HS3ST3A1: variants seen among roughly 807,000 people sequenced by gnomAD.
HS3ST3A1 encodes heparan sulfate-glucosamine 3-sulfotransferase 3A1, also known as heparan sulfate glucosamine 3-O-sulfotransferase 3A1.
HS3ST3A1 carries 19 observed loss-of-function variants against 25.7 expected under a neutral mutation model. The observed-to-expected ratio is 0.74, with a 90% CI of 0.52 to 1.08. The LOEUF (loss-of-function observed/expected upper bound fraction) is 1.08. HS3ST3A1 is among the 50% of genes least tolerant of loss of function. The pLI, the probability that HS3ST3A1 is intolerant of heterozygous loss-of-function variation, is 0.00. For missense variants in HS3ST3A1, 459 were observed against 594.3 expected (o/e 0.77, Z 2.37); for synonymous variants, 226 against 278.6 (o/e 0.81, Z 1.88).
At chr17:13,586,848 C>CT (rs1204618518) in intron 1 of HS3ST3A1, among the ~76,000 whole-genome samples, 1 of 100,948 alleles carries the variant, frequency 9.9e-6, no homozygotes, top group Non-Finnish European at 1.8e-5. Flanking sequence ...CCAGCCTGGG[C>CT]GACAGAGAGA....
chr17:13,596,065 T>C (rs1164299342), intron 1 of HS3ST3A1, among the ~76,000 whole-genome samples: 3 of 152,178 alleles, frequency 2.0e-5, no homozygotes, highest in African/African-American at 7.2e-5. Context: ...GACAAATATT[T>C]TGGCCAGGGT....
At chr17:13,569,812 C>T (rs1215532222) in intron 1 of HS3ST3A1, among the ~76,000 whole-genome samples, 3 of 152,220 alleles carry the variant, frequency 2.0e-5, no homozygotes, top group Non-Finnish European at 1.5e-5. Context: ...CTCAGTGCTA[C>T]CTCTCCTTTG....
At chr17:13,599,216 T>C (rs1234223844) in intron 1 of HS3ST3A1, among the ~76,000 whole-genome samples, 1 of 152,210 alleles carries the variant, frequency 6.6e-6, no homozygotes, top group Non-Finnish European at 1.5e-5. Flanking sequence ...ATATCATCTA[T>C]ATTAAGGGAA....
At chr17:13,592,629 G>A (rs764901597) in intron 1 of HS3ST3A1, among the ~76,000 whole-genome samples, 5 of 152,206 alleles carry the variant, frequency 3.3e-5, no homozygotes, top group Non-Finnish European at 5.9e-5. Context: ...ATAAGTGAAT[G>A]AACGATTCAA....
intron 1 of HS3ST3A1, among the ~76,000 whole-genome samples, chr17:13,544,691 A>T (rs1907034278): frequency 6.6e-6 from 1 of 151,986 alleles, no homozygotes; most frequent in Admixed American, 6.6e-5. Flanking sequence ...TTGGAACAAG[A>T]GTAATTATTA....
At chr17:13,599,903 T>A (rs559633885) in intron 1 of HS3ST3A1, among the ~76,000 whole-genome samples, 1 of 152,350 alleles carries the variant, frequency 6.6e-6, no homozygotes, top group East Asian at 1.9e-4. Context: ...ACAAAACTCA[T>A]TCCTTGCCCT....
chr17:13,499,933 A>G (rs1340996291), intron 1 of HS3ST3A1, among the ~76,000 whole-genome samples: 1 of 152,204 alleles, frequency 6.6e-6, no homozygotes, highest in South Asian at 2.1e-4. Context: ...TAAAGAAACG[A>G]TAGTCTAAAT....
At chr17:13,593,241 A>AG (rs1355565972) in intron 1 of HS3ST3A1, among the ~76,000 whole-genome samples, 4 of 148,006 alleles carry the variant, frequency 2.7e-5, no homozygotes, top group Non-Finnish European at 5.9e-5. Flanking sequence ...GCCAAAAAAA[A>AG]AAAAAAAAAA....
At chr17:13,586,212 C>T (rs1457272279) in intron 1 of HS3ST3A1, among the ~76,000 whole-genome samples, 1 of 152,050 alleles carries the variant, frequency 6.6e-6, no homozygotes, top group Non-Finnish European at 1.5e-5. Context: ...TCCTCCTTTT[C>T]GCATGGCTAG....
chr17:13,507,606 T>C (rs751237059), intron 1 of HS3ST3A1, among the ~76,000 whole-genome samples: 2 of 152,220 alleles, frequency 1.3e-5, no homozygotes, highest in Non-Finnish European at 2.9e-5. Flanking sequence ...TCACACGTTT[T>C]TCAAAGGCTA....
chr17:13,515,072 A>G (rs1939181635), intron 1 of HS3ST3A1, among the ~76,000 whole-genome samples: 1 of 152,242 alleles, frequency 6.6e-6, no homozygotes, highest in Admixed American at 6.5e-5. Flanking sequence ...AATATTGTAT[A>G]ATTCTTCAAT....
chr17:13,594,049 G>T (rs1246739920), intron 1 of HS3ST3A1, among the ~76,000 whole-genome samples: 2 of 152,138 alleles, frequency 1.3e-5, no homozygotes, highest in Non-Finnish European at 2.9e-5. Flanking sequence ...CTTTTGAAGG[G>T]TACTGGTCAA....
At chr17:13,552,970 A>G (rs2142358062) in intron 1 of HS3ST3A1, among the ~76,000 whole-genome samples, 1 of 152,152 alleles carries the variant, frequency 6.6e-6, no homozygotes, top group South Asian at 2.1e-4. Flanking sequence ...CTGCCTAGAA[A>G]AGTTGCCTGT....
Position 13,496,069 on chromosome 17 carries a change from T to C in HS3ST3A1, c.*128A>G. 12 of 1,176,676 alleles carry C rather than the reference T, an allele frequency of 1.0e-5. No individual in the cohort carries two copies. Among genetic ancestry groups the C allele is most frequent in the Non-Finnish European group, 1.4e-5 (12 of 868,112 alleles). 72.9% of individuals were successfully genotyped at this position (1,176,676 alleles called of 1,614,324 possible). On this transcript the variant is annotated 3_prime_UTR_variant, in exon 2 of 2. Transcript: ENST00000284110. ...TAAGATGGGGCGGGAGTGAGAACAA[T>C]CTCTTAACATTCATTGAAAAAAATA...
chr17:13,598,111 G>C lies in HS3ST3A1; in HGVS notation c.599+2420C>G, dbSNP rs1908631314. Among the ~76,000 whole-genome samples, 4 of 149,466 alleles carry C rather than the reference G, an allele frequency of 2.7e-5. No individual in the cohort carries two copies. In the South Asian group the frequency reaches 8.4e-4, roughly 31 times the overall value. The stretch of plus-strand genomic sequence containing the variant: ...TTTATTTCTGTTCGTGTGTGTGTCT[G>C]TGATAGTGTGGTCATAAGTGTGTGG... On this transcript the variant is annotated intron_variant, in intron 1 of 1. Transcript: ENST00000284110.
rs538975263 is a variant in HS3ST3A1, at chr17:13,583,526, C to T, written c.599+17005G>A. On this transcript the variant is annotated intron_variant, in intron 1 of 1. Coordinates refer to ENST00000284110, the MANE Select transcript of HS3ST3A1 (RefSeq NM_006042.3). Reference sequence around the variant, plus strand: ...TCCAGTTTTCTGGGCTCCTCATACTCTCAATTTCTCTTCTCCCTCATCCCC... The same window carrying T: ...TCCAGTTTTCTGGGCTCCTCATACTTTCAATTTCTCTTCTCCCTCATCCCC... 1.5e-4 allele frequency among the ~76,000 whole-genome samples: 23 copies of T among 152,312 alleles called. No individual in the cohort carries two copies. The South Asian group carries it at 4.8e-3, about 32-fold the overall frequency.
Position 13,550,842 on chromosome 17 carries a change from G to A in HS3ST3A1, c.599+49689C>T, listed in dbSNP as rs759861289. Among the ~76,000 whole-genome samples, 60 of 152,152 alleles carry A rather than the reference G, an allele frequency of 3.9e-4. 1 individual carries two copies. The highest frequency in any genetic ancestry group is 7.2e-4 in the Admixed American group (11 of 15,272). On this transcript the variant is annotated intron_variant, in intron 1 of 1. Coordinates refer to ENST00000284110, the MANE Select transcript of HS3ST3A1 (RefSeq NM_006042.3). ...CCAGCACTTTGGGAGGCCAAGGCGG[G>A]CAGATCTCGATGTCCGAAGATCGAG...
chr17:13,536,113 A>T (rs1180033857), intron 1 of HS3ST3A1, among the ~76,000 whole-genome samples: 3 of 152,176 alleles, frequency 2.0e-5, no homozygotes, highest in Non-Finnish European at 2.9e-5. Flanking sequence ...TTAAAATAAG[A>T]AAAGTTATAC....
intron 1 of HS3ST3A1, among the ~76,000 whole-genome samples, chr17:13,510,692 T>A (rs1375724058): frequency 6.6e-6 from 1 of 150,598 alleles, no homozygotes; most frequent in Non-Finnish European, 1.5e-5. Flanking sequence ...CCTGTGTGAA[T>A]ATCTCAGTGT....
Sources: allele counts gnomAD v4.1 joint callset (sites outside exome capture counted in the v4.1 genomes callset), GRCh38; gene constraint gnomAD v4.1.1; transcripts MANE v1.5; gene names NCBI Gene and HGNC (gene_info 2026-07-23, HGNC 2026-07-21).